The following MDGA2 variants were observed in gnomAD, a reference collection of about 807,000 sequenced individuals.
MDGA2 encodes MAM domain-containing glycosylphosphatidylinositol anchor protein 2.
A neutral mutation model predicts 117.8 loss-of-function variants in MDGA2; 40 were observed. The observed-to-expected ratio is 0.34, with a 90% CI of 0.26 to 0.44. The LOEUF (loss-of-function observed/expected upper bound fraction) is 0.44, where lower values mean the gene tolerates loss of function less well. MDGA2 is among the 20% of genes least tolerant of loss of function. MDGA2 has a pLI of 1.00. For missense variants in MDGA2, 1,123 were observed against 1,250.6 expected (o/e 0.90, Z 1.54); for synonymous variants, 452 against 439.0 (o/e 1.03, Z -0.37).
chr14:47,121,181 A>T (rs796347410), intron 5 of MDGA2, among the ~76,000 whole-genome samples: 79 of 152,252 alleles, frequency 5.2e-4, no homozygotes, highest in African/African-American at 1.8e-3. Flanking sequence ...TTGGTGAGAT[A>T]AAAACCAGTT....
intron 15 of MDGA2, among the ~76,000 whole-genome samples, chr14:46,846,567 T>C (rs35587761): frequency 0.17 from 25,511 of 152,070 alleles, 3,001 homozygotes; most frequent in Non-Finnish European, 0.25. Flanking sequence ...ATTGAAAGAA[T>C]AAATGAGTAC....
chr14:47,037,280 T>G (rs1227108871), intron 7 of MDGA2, among the ~76,000 whole-genome samples: 1 of 152,174 alleles, frequency 6.6e-6, no homozygotes, highest in Non-Finnish European at 1.5e-5. Flanking sequence ...TAAACCCCCT[T>G]GATAATCTTA....
chr14:46,928,901 G>C (rs1884432345), intron 9 of MDGA2, among the ~76,000 whole-genome samples: 1 of 152,066 alleles, frequency 6.6e-6, no homozygotes, highest in Non-Finnish European at 1.5e-5. Context: ...TCTTGTTGAG[G>C]TCCTTTCCCA....
At chr14:47,171,570 G>C (rs187561852) in intron 3 of MDGA2, among the ~76,000 whole-genome samples, 14 of 152,272 alleles carry the variant, frequency 9.2e-5, no homozygotes, top group Admixed American at 8.5e-4. Context: ...AAGGGAAGTA[G>C]TTTCTTTCCT....
At position 46,884,754 on chromosome 14, in the gene MDGA2, G is replaced by A. The variant is rs1034783951; in HGVS notation, c.2239-2533C>T. On this transcript the variant is annotated intron_variant, in intron 10 of 16. Transcript: ENST00000399232. The surrounding 1 kb of genome is among the most constrained non-coding windows in gnomAD (Gnocchi z 4.1). ...TCTTATACATAAAATTCAGTCTCAGGAGTATTAAACAATTAAATTTAAAAC... is the reference window on the plus strand; with the variant it reads ...TCTTATACATAAAATTCAGTCTCAGAAGTATTAAACAATTAAATTTAAAAC... Among the ~76,000 whole-genome samples the A allele has an allele frequency of 7.2e-5, 11 of 151,966 alleles. No homozygotes were observed. Among genetic ancestry groups the A allele is most frequent in the Non-Finnish European group, 1.3e-4 (9 of 68,008 alleles).
chr14:46,984,779 T>C (rs1035119297), intron 8 of MDGA2, among the ~76,000 whole-genome samples: 11 of 152,064 alleles, frequency 7.2e-5, no homozygotes, highest in Admixed American at 5.2e-4. Context: ...AATTTTCTGT[T>C]AAGAAAAAAT....
At chr14:47,167,078 A>G (rs1883912371) in intron 3 of MDGA2, among the ~76,000 whole-genome samples, 1 of 152,202 alleles carries the variant, frequency 6.6e-6, no homozygotes, top group Non-Finnish European at 1.5e-5. Flanking sequence ...CACCACTGGT[A>G]TGTCTAACCT....
intron 10 of MDGA2, among the ~76,000 whole-genome samples, chr14:46,897,401 A>T (rs1242195720): frequency 6.6e-6 from 1 of 152,164 alleles, no homozygotes; most frequent in Non-Finnish European, 1.5e-5. Context: ...TTATACAAAG[A>T]TGTACATTAA....
intron 5 of MDGA2, among the ~76,000 whole-genome samples, chr14:47,100,422 A>G (rs2182524): frequency 0.11 from 16,957 of 152,090 alleles, 1,071 homozygotes; most frequent in Admixed American, 0.11. Flanking sequence ...GCATACGTCT[A>G]CAGCATGTGT....
chr14:47,133,993 A>G (rs1882334210), intron 4 of MDGA2, among the ~76,000 whole-genome samples: 1 of 152,128 alleles, frequency 6.6e-6, no homozygotes, highest in African/African-American at 2.4e-5. Context: ...TTATTGAAGT[A>G]TAATGGACAA....
chr14:46,979,397 A>G (rs1886584491), intron 8 of MDGA2, among the ~76,000 whole-genome samples: 1 of 152,154 alleles, frequency 6.6e-6, no homozygotes, highest in Admixed American at 6.6e-5. Context: ...TGAAAGGAAG[A>G]GTTACACATC....
chr14:47,532,224 T>C (rs188684302), intron 1 of MDGA2, among the ~76,000 whole-genome samples: 1 of 152,306 alleles, frequency 6.6e-6, no homozygotes, highest in Non-Finnish European at 1.5e-5. Flanking sequence ...CCAAGTCAAT[T>C]ACGATTGCAG....
At chr14:47,146,175 CAAAGT>C (rs1377915640) in intron 3 of MDGA2, among the ~76,000 whole-genome samples, 4 of 152,142 alleles carry the variant, frequency 2.6e-5, no homozygotes, top group South Asian at 4.1e-4. Flanking sequence ...CTTAGAGAAT[CAAAGT>C]AAAGAACAGA....
intron 1 of MDGA2, among the ~76,000 whole-genome samples, chr14:47,453,520 A>G (rs1053289876): frequency 6.6e-6 from 1 of 152,110 alleles, no homozygotes; most frequent in Non-Finnish European, 1.5e-5. Flanking sequence ...TTCTGAGTAA[A>G]TCTTGAACTG....
chr14:47,552,221 C>T (rs1304981016), intron 1 of MDGA2, among the ~76,000 whole-genome samples: 2 of 152,126 alleles, frequency 1.3e-5, no homozygotes, highest in African/African-American at 4.8e-5. Context: ...GAGATCTTAC[C>T]TAGGTCCACA....
At chr14:47,563,578 GTTTT>G (rs56244321) in intron 1 of MDGA2, among the ~76,000 whole-genome samples, 2,844 of 56,002 alleles carry the variant, frequency 0.051, 101 homozygotes, top group East Asian at 0.071. Context: ...GCTTTTTTCT[GTTTT>G]TTTTTTTTTT....
intron 1 of MDGA2, among the ~76,000 whole-genome samples, chr14:47,658,121 T>G (rs1897779435): frequency 6.6e-6 from 1 of 152,128 alleles, no homozygotes; most frequent in Non-Finnish European, 1.5e-5. Flanking sequence ...AGTTGTCACC[T>G]GTTTATTTGG....
chr14:47,112,820 G>C (rs757458987), intron 5 of MDGA2, among the ~76,000 whole-genome samples: 1 of 152,120 alleles, frequency 6.6e-6, no homozygotes, highest in Non-Finnish European at 1.5e-5. Flanking sequence ...TCACAACACT[G>C]TCTTTCCACA....
intron 8 of MDGA2, among the ~76,000 whole-genome samples, chr14:47,031,418 C>G (rs1888662543): frequency 6.6e-6 from 1 of 151,924 alleles, no homozygotes; most frequent in African/African-American, 2.4e-5. Flanking sequence ...TTATTGCCAC[C>G]TCTTTTACAT....
Sources: allele counts gnomAD v4.1 joint callset (sites outside exome capture counted in the v4.1 genomes callset), GRCh38; gene constraint gnomAD v4.1.1; non-coding constraint Gnocchi (gnomAD v3.1); transcripts MANE v1.5; gene names NCBI Gene and HGNC (gene_info 2026-07-23, HGNC 2026-07-21).